The following TRPC6 variants were observed in gnomAD, a reference collection of about 807,000 sequenced individuals.
The protein encoded by TRPC6 is short transient receptor potential channel 6.
TRPC6 carries 55 observed loss-of-function variants against 90.7 expected under a neutral mutation model. The ratio of observed to expected loss-of-function variants is 0.61; its 90% CI spans 0.49 to 0.76. TRPC6 has a LOEUF of 0.76. TRPC6 is among the 30% of genes least tolerant of loss of function. The pLI is 0.00. For missense variants in TRPC6, 989 were observed against 1,122.7 expected (o/e 0.88, Z 1.70); for synonymous variants, 393 against 393.0 (o/e 1.00, Z 0.00).
chr11:101,453,649 C>T lies in TRPC6; in HGVS notation c.2644+1G>A. On this transcript the variant is annotated splice_donor_variant, in intron 12 of 12. Coordinates refer to ENST00000344327, the MANE Select transcript of TRPC6 (RefSeq NM_004621.6). LOFTEE classifies it high-confidence loss of function. ...CTGATTTGCTTCTGCGTTCAACTCA[C>T]CTTCGTTCACTTCATCACTCTCCTT... The T allele has an allele frequency of 6.2e-7, 1 of 1,613,900 alleles. No homozygotes were observed. The highest frequency in any genetic ancestry group is 2.2e-5 in the East Asian group (1 of 44,884).
In TRPC6 at chr11:101,452,122, A is replaced by G. The variant is rs185948481; in HGVS notation, c.*833T>C. On this transcript the variant is annotated 3_prime_UTR_variant, in exon 13 of 13. Coordinates refer to ENST00000344327, the MANE Select transcript of TRPC6 (RefSeq NM_004621.6). ...TGCTATAATGGAACCAAACAACCAC[A>G]GTGTTTGTTTGGGGTTTTGATTTTT... The G allele has an allele frequency of 3.3e-5, 5 of 152,258 alleles. No homozygotes were observed. Among genetic ancestry groups the G allele is most frequent in the African/African-American group, 1.2e-4 (5 of 41,546 alleles). The allele number at this position is 152,258 out of a possible 1,614,324, so 9.4% of individuals were successfully genotyped here. A position where few individuals can be genotyped will look rare whatever the true frequency, so the allele number is the denominator to read the frequency against.
At chr11:101,532,989 C>G (rs1358429493) in intron 1 of TRPC6, among the ~76,000 whole-genome samples, 1 of 152,102 alleles carries the variant, frequency 6.6e-6, no homozygotes, top group Non-Finnish European at 1.5e-5. Flanking sequence ...GCTGGCTGAG[C>G]TGCATGGCTA....
chr11:101,560,652 TA>T (rs143229500), intron 1 of TRPC6, among the ~76,000 whole-genome samples: 39,615 of 149,932 alleles, frequency 0.26, 5,960 homozygotes, highest in South Asian at 0.35. Context: ...ACAGTGTGAT[TA>T]AAAAAAAAAT....
chr11:101,475,602 T>G (rs1205097974), intron 6 of TRPC6, among the ~76,000 whole-genome samples: 1 of 152,104 alleles, frequency 6.6e-6, no homozygotes, highest in African/African-American at 2.4e-5. Context: ...TTTGTAAACT[T>G]TGTACCTTTG....
chr11:101,504,675 C>G lies in TRPC6; in HGVS notation c.294G>C (p.Glu98Asp). Residue 98 changes from glutamate (E) to aspartate (D), a missense_variant, in exon 2 of 13, where the codon GAG becomes GAC. Around this residue, in one of 4 missense-constraint regions of TRPC6, gnomAD observed 194 missense variants for 136.5 expected, o/e 1.42. Transcript: ENST00000344327. ...FSDRSTSLSI[E>D]EERFLDAAEY... ...CAGCTGCATCCAAAAAGCGTTCCTC[C>G]TCTATAGATAGGCTTGTGGAGCGAT... 6.2e-7 allele frequency: 1 copy of G among 1,602,434 alleles called. No homozygotes were observed. Among genetic ancestry groups the G allele is most frequent in the Non-Finnish European group, 8.5e-7 (1 of 1,172,984 alleles).
chr11:101,510,862 A>C (rs1443684405), intron 1 of TRPC6, among the ~76,000 whole-genome samples: 1 of 152,158 alleles, frequency 6.6e-6, no homozygotes, highest in Non-Finnish European at 1.5e-5. Flanking sequence ...ATACACTTTT[A>C]TAACATGGAA....
At chr11:101,564,260 T>C (rs1482066198) in intron 1 of TRPC6, among the ~76,000 whole-genome samples, 2 of 152,220 alleles carry the variant, frequency 1.3e-5, no homozygotes, top group African/African-American at 2.4e-5. Context: ...ATATTTATTA[T>C]GTTTTCTAAC....
At position 101,558,422 on chromosome 11, in the gene TRPC6, CAT is replaced by C. The variant is rs1436191461; in HGVS notation, c.170+24910_170+24911del. On this transcript the variant is annotated intron_variant, in intron 1 of 12. Coordinates refer to ENST00000344327, the MANE Select transcript of TRPC6 (RefSeq NM_004621.6). ...ATACACACACACATATACACACACA[CAT>C]ATCTACATATATACATATATATACA... Among the ~76,000 whole-genome samples the C allele has an allele frequency of 3.6e-4, 45 of 126,662 alleles. 11 individuals carry two copies. Among genetic ancestry groups the C allele is most frequent in the African/African-American group, 1.2e-3 (42 of 34,246 alleles). 83.1% of individuals were successfully genotyped at this position (126,662 alleles called of 152,430 possible). A position where few individuals can be genotyped will look rare whatever the true frequency, so the allele number is the denominator to read the frequency against.
intron 1 of TRPC6, among the ~76,000 whole-genome samples, chr11:101,582,926 G>A (rs1862231176): frequency 6.6e-6 from 1 of 152,002 alleles, no homozygotes; most frequent in Admixed American, 6.6e-5. Flanking sequence ...CCCCCACATA[G>A]GCTAAGAGTC....
chr11:101,564,642 T>G (rs963403160), intron 1 of TRPC6, among the ~76,000 whole-genome samples: 18 of 152,094 alleles, frequency 1.2e-4, no homozygotes, highest in African/African-American at 3.4e-4. Context: ...AAACCTTTCA[T>G]ATTACCCAAA....
At chr11:101,455,554 A>C (rs1245466874) in intron 10 of TRPC6, 1 of 159,312 alleles carries the variant, frequency 6.3e-6, no homozygotes, top group Non-Finnish European at 1.4e-5. Flanking sequence ...ACTGTGGTGG[A>C]GCAGAATTCA....
At chr11:101,526,284 T>C (rs1196992009) in intron 1 of TRPC6, among the ~76,000 whole-genome samples, 1 of 152,200 alleles carries the variant, frequency 6.6e-6, no homozygotes, top group Non-Finnish European at 1.5e-5. Context: ...TTACAGAAAC[T>C]CTCAGTGTCG....
At chr11:101,489,174 A>G in intron 3 of TRPC6, 73 bp from the exon 4 acceptor site, 1 of 1,328,546 alleles carries the variant, frequency 7.5e-7, no homozygotes. Flanking sequence ...CATGTGTTCT[A>G]ATAGTTCCAT....
At chr11:101,528,371 TAAA>T (rs1860831538) in intron 1 of TRPC6, among the ~76,000 whole-genome samples, 1 of 152,192 alleles carries the variant, frequency 6.6e-6, no homozygotes, top group African/African-American at 2.4e-5. Context: ...GTGCCTTGGA[TAAA>T]CCTCATTGCC....
intron 10 of TRPC6, among the ~76,000 whole-genome samples, chr11:101,465,135 T>C (rs1167773472): frequency 2.0e-5 from 3 of 152,232 alleles, no homozygotes; most frequent in Non-Finnish European, 4.4e-5. Flanking sequence ...TTCTGGCTTG[T>C]AGGGTTTCTG....
chr11:101,539,567 T>A (rs558751444), intron 1 of TRPC6, among the ~76,000 whole-genome samples: 3 of 152,332 alleles, frequency 2.0e-5, no homozygotes, highest in African/African-American at 4.8e-5. Flanking sequence ...TGTCCATCAT[T>A]TTTTGGTTTT....
chr11:101,560,461 T>A (rs549652178), intron 1 of TRPC6, among the ~76,000 whole-genome samples: 38 of 152,330 alleles, frequency 2.5e-4, no homozygotes, highest in Admixed American at 3.9e-4. Flanking sequence ...TTTTCATTTC[T>A]TGCACTTAAG....
intron 10 of TRPC6, among the ~76,000 whole-genome samples, chr11:101,456,863 T>C (rs567958208): frequency 3.3e-5 from 5 of 152,148 alleles, no homozygotes; most frequent in African/African-American, 4.8e-5. Flanking sequence ...ATATATAACA[T>C]ATTTTATTTT....
chr11:101,577,351 T>C lies in TRPC6; in HGVS notation c.170+5983A>G, dbSNP rs533791584. On this transcript the variant is annotated intron_variant, in intron 1 of 12. Coordinates refer to ENST00000344327, the MANE Select transcript of TRPC6 (RefSeq NM_004621.6). ...TAAGAAAATCAGCCCTTTAATTTTA[T>C]TTGGAAATACCTCGTACTGCTGCTG... is the stretch of plus-strand genomic sequence containing the variant. 3.9e-5 allele frequency among the ~76,000 whole-genome samples: 6 copies of C among 152,334 alleles called. No individual in the cohort carries two copies. The East Asian group carries it at 9.6e-4, about 24-fold the overall frequency.
Sources: gnomAD v4.1 joint callset for allele counts (sites outside exome capture counted in the v4.1 genomes callset) on GRCh38, gnomAD v4.1.1 for gene constraint, gnomAD v4.1.1 regional missense constraint, MANE v1.5 for transcripts, NCBI Gene and HGNC (gene_info 2026-07-23, HGNC 2026-07-21) for gene names.